KLRD1: variants seen among roughly 807,000 people sequenced by gnomAD.
KLRD1 encodes the protein killer cell lectin like receptor D1.
Under a neutral mutation model 22.6 loss-of-function variants are expected in KLRD1, and 21 were observed. The observed-to-expected ratio is 0.93, with a 90% CI of 0.66 to 1.34. The LOEUF (loss-of-function observed/expected upper bound fraction) is 1.34. Ranked by LOEUF, KLRD1 falls within the 40% of genes most tolerant of loss-of-function variation. The probability of loss-of-function intolerance (pLI) is 0.00; values close to 1 mark genes in which losing one functional copy is unlikely to be tolerated. For missense variants in KLRD1, 183 were observed against 208.6 expected (o/e 0.88, Z 0.76); for synonymous variants, 59 against 71.1 (o/e 0.83, Z 0.85).
chr12:10,256,589 ACTC>A (rs1163370055), intron 1 of KLRD1, among the ~76,000 whole-genome samples: 7 of 151,132 alleles, frequency 4.6e-5, no homozygotes, highest in Non-Finnish European at 1.5e-5. Context: ...CTAAAACTCT[ACTC>A]CTACACAGCT....
Position 10,315,028 on chromosome 12 carries a change from T to A in KLRD1, c.*235T>A. On this transcript the variant is annotated 3_prime_UTR_variant, in exon 6 of 6. Coordinates refer to ENST00000336164, the MANE Select transcript of KLRD1 (RefSeq NM_002262.5). ...TAAAGAATTTTGTATTTTCATTTAA[T>A]GTATATATTTAATGTTAAATTCAAT... The A allele has an allele frequency of 1.3e-5, 4 of 314,722 alleles. 1 individual carries two copies. In the South Asian group the frequency reaches 1.8e-4, roughly 14 times the overall value. 19.5% of individuals were successfully genotyped at this position (314,722 alleles called of 1,614,324 possible).
intron 1 of KLRD1, among the ~76,000 whole-genome samples, chr12:10,285,245 GTGT>G (rs1277455517): frequency 6.6e-6 from 1 of 152,132 alleles, no homozygotes; most frequent in Non-Finnish European, 1.5e-5. Context: ...CCTTTAGATT[GTGT>G]TGTTGCTAAA....
At chr12:10,245,875 AGTG>A (rs1949285860) in intron 1 of KLRD1, among the ~76,000 whole-genome samples, 1 of 152,174 alleles carries the variant, frequency 6.6e-6, no homozygotes, top group Non-Finnish European at 1.5e-5. Context: ...GTTGAAGTGC[AGTG>A]GCATGATCAC....
chr12:10,307,547 A>C (rs2137686436), upstream of KLRD1, among the ~76,000 whole-genome samples: 3 of 152,318 alleles, frequency 2.0e-5, 1 homozygote, highest in Middle Eastern at 0.01. Flanking sequence ...ATGAGCTAAG[A>C]TATGCCAAGT....
At chr12:10,306,714 A>C (rs1344549160), upstream of KLRD1, among the ~76,000 whole-genome samples, 1 of 152,238 alleles carries the variant, frequency 6.6e-6, no homozygotes, top group Non-Finnish European at 1.5e-5. Flanking sequence ...TGGATGAAGT[A>C]GATTTTACGC....
At chr12:10,283,106 G>A (rs1949661844) in intron 1 of KLRD1, among the ~76,000 whole-genome samples, 1 of 152,218 alleles carries the variant, frequency 6.6e-6, no homozygotes, top group Non-Finnish European at 1.5e-5. Context: ...AGTCCGTCAG[G>A]AGAAAGAAGA....
intron 1 of KLRD1, among the ~76,000 whole-genome samples, chr12:10,247,045 G>A (rs1949299542): frequency 6.7e-6 from 1 of 149,012 alleles, no homozygotes; most frequent in African/African-American, 2.5e-5. Context: ...TGATTCTCCT[G>A]CCTTAGCCTC....
At chr12:10,249,547 C>A (rs1219707907) in intron 1 of KLRD1, among the ~76,000 whole-genome samples, 1 of 152,130 alleles carries the variant, frequency 6.6e-6, no homozygotes, top group African/African-American at 2.4e-5. Context: ...TCTCTGGTAT[C>A]AAACTTGTGC....
chr12:10,265,804 A>G (rs934212211), intron 1 of KLRD1, among the ~76,000 whole-genome samples: 1 of 152,168 alleles, frequency 6.6e-6, no homozygotes, highest in African/African-American at 2.4e-5. Flanking sequence ...GCTACATCTG[A>G]TATTTACGAC....
intron 1 of KLRD1, among the ~76,000 whole-genome samples, chr12:10,280,613 G>A (rs961254747): frequency 6.6e-6 from 1 of 152,144 alleles, no homozygotes; most frequent in Admixed American, 6.6e-5. Context: ...TGAGGAAGGA[G>A]CTAGAGAATT....
chr12:10,242,215 C>T (rs1949248587), intron 1 of KLRD1, among the ~76,000 whole-genome samples: 1 of 151,568 alleles, frequency 6.6e-6, no homozygotes, highest in African/African-American at 2.4e-5. Context: ...GAAGTGTTGA[C>T]CATGATATTT....
chr12:10,320,708 G>C lies in KLRD1; in HGVS notation c.*5915G>C, dbSNP rs148628249. On this transcript the variant is annotated 3_prime_UTR_variant, in exon 6 of 6. Transcript: ENST00000336164. ...AGATTCTGAGCAAAGATCCAATCTA[G>C]AGTGCTCTCAGGAAAGCATGATTCT... The C allele has an allele frequency of 1.7e-4, 26 of 151,398 alleles. No individual in the cohort carries two copies. Among genetic ancestry groups the C allele is most frequent in the African/African-American group, 6.1e-4 (25 of 40,666 alleles). The allele number at this position is 151,398 out of a possible 1,614,324, so 9.4% of individuals were successfully genotyped here.
rs942394936 is a variant in KLRD1 at position 10,321,894 on chromosome 12, G to C, written c.*7101G>C. The C allele has an allele frequency of 7.9e-5, 12 of 152,186 alleles. No individual in the cohort carries two copies. The highest frequency in any genetic ancestry group is 2.9e-4 in the African/African-American group (12 of 41,442). 9.4% of individuals were successfully genotyped at this position (152,186 alleles called of 1,614,324 possible). ...CAACCTCATGAGGGATCCTGAGCTA[G>C]AACCACCTAGCACAGTTGCTCTTGA... On this transcript the variant is annotated 3_prime_UTR_variant, in exon 6 of 6. Coordinates refer to ENST00000336164, the MANE Select transcript of KLRD1 (RefSeq NM_002262.5).
At chr12:10,259,257 T>G (rs920958647) in intron 1 of KLRD1, among the ~76,000 whole-genome samples, 1 of 152,226 alleles carries the variant, frequency 6.6e-6, no homozygotes, top group African/African-American at 2.4e-5. Flanking sequence ...ATTGTTCTAG[T>G]GATTGACAAT....
intron 1 of KLRD1, among the ~76,000 whole-genome samples, chr12:10,280,341 C>A (rs777019518): frequency 1.3e-5 from 2 of 152,002 alleles, no homozygotes; most frequent in African/African-American, 2.4e-5. Flanking sequence ...AGAGATGGAC[C>A]GCTTCAGAAT....
At chr12:10,249,414 C>T (rs1949324319) in intron 1 of KLRD1, among the ~76,000 whole-genome samples, 1 of 152,064 alleles carries the variant, frequency 6.6e-6, no homozygotes, top group Non-Finnish European at 1.5e-5. Context: ...CCTAGAAAAA[C>T]CTTGTGATGA....
At chr12:10,305,712 C>G (rs1347138506), upstream of KLRD1, among the ~76,000 whole-genome samples, 2 of 152,156 alleles carry the variant, frequency 1.3e-5, no homozygotes, top group Non-Finnish European at 2.9e-5. Context: ...AAAAAAAGAA[C>G]CCATAGATAC....
intron 1 of KLRD1, among the ~76,000 whole-genome samples, chr12:10,262,487 T>C (rs1949462461): frequency 6.6e-6 from 1 of 152,150 alleles, no homozygotes; most frequent in Admixed American, 6.5e-5. Flanking sequence ...AAGTACACCA[T>C]TGTTAACTAA....
At chr12:10,250,656 A>G (rs10845089) in intron 1 of KLRD1, among the ~76,000 whole-genome samples, 114,162 of 151,734 alleles carry the variant, frequency 0.75, 43,508 homozygotes, top group East Asian at 1. Flanking sequence ...TTTCTGCTTG[A>G]CCTAGATAAA....
Sources: gnomAD v4.1 joint callset for allele counts (sites outside exome capture counted in the v4.1 genomes callset) on GRCh38, gnomAD v4.1.1 for gene constraint, MANE v1.5 for transcripts, NCBI Gene and HGNC (gene_info 2026-07-23, HGNC 2026-07-21) for gene names.